The following ANO3 variants were observed in gnomAD, a reference collection of about 807,000 sequenced individuals.
ANO3 encodes anoctamin 3, also known as anoctamin-3.
ANO3 carries 99 observed loss-of-function variants against 144.8 expected under a neutral mutation model. The ratio of observed to expected loss-of-function variants is 0.68; its 90% CI spans 0.58 to 0.81. The LOEUF is 0.81. Ranked by LOEUF, ANO3 falls within the 30% of genes least tolerant of loss-of-function variation. The probability of loss-of-function intolerance (pLI) is 0.00; values close to 1 mark genes in which losing one functional copy is unlikely to be tolerated. For synonymous variants in ANO3, 414 were observed against 392.6 expected (o/e 1.05, Z -0.64); for missense variants, 905 against 1,202.2 (o/e 0.75, Z 3.66).
chr11:26,462,941 G>C, intron 3 of ANO3, 89 bp from the exon 4 acceptor site: 1 of 584,450 alleles, frequency 1.7e-6, no homozygotes, highest in Non-Finnish European at 2.8e-6. Context: ...TAAACTCTGG[G>C]AAAACATGAA....
chr11:26,363,643 G>A (rs758771122), intron 1 of ANO3, among the ~76,000 whole-genome samples: 21 of 152,194 alleles, frequency 1.4e-4, no homozygotes, highest in Non-Finnish European at 2.6e-4. Flanking sequence ...CATAAAGTTC[G>A]GGGAGGACAC....
chr11:26,556,133 A>T (rs1850075598), intron 13 of ANO3, among the ~76,000 whole-genome samples: 1 of 152,122 alleles, frequency 6.6e-6, no homozygotes, highest in Non-Finnish European at 1.5e-5. Flanking sequence ...TTAGTACTTA[A>T]AAGTATTGGA....
intron 1 of ANO3, among the ~76,000 whole-genome samples, chr11:26,381,203 T>C (rs896623018): frequency 6.6e-6 from 1 of 152,154 alleles, no homozygotes; most frequent in Non-Finnish European, 1.5e-5. Flanking sequence ...TTAGGTAAAT[T>C]GCCACCATTT....
At chr11:26,492,942 G>A (rs1860768307) in intron 4 of ANO3, among the ~76,000 whole-genome samples, 1 of 152,138 alleles carries the variant, frequency 6.6e-6, no homozygotes, top group Non-Finnish European at 1.5e-5. Flanking sequence ...ACTAATACTA[G>A]GCTGCACTGT....
chr11:26,453,243 T>C (rs1325618957), intron 3 of ANO3, among the ~76,000 whole-genome samples: 3 of 151,948 alleles, frequency 2.0e-5, no homozygotes, highest in Non-Finnish European at 4.4e-5. Context: ...TAACTTTAAA[T>C]GTAAATGGAC....
At chr11:26,446,801 G>T (rs947243127) in intron 3 of ANO3, among the ~76,000 whole-genome samples, 1 of 152,196 alleles carries the variant, frequency 6.6e-6, no homozygotes, top group African/African-American at 2.4e-5. Flanking sequence ...CATCATGGGG[G>T]TTCAACAAAT....
At chr11:26,256,762 C>A (rs538153591) in intron 1 of ANO3, among the ~76,000 whole-genome samples, 2 of 152,216 alleles carry the variant, frequency 1.3e-5, no homozygotes, top group South Asian at 2.1e-4. Flanking sequence ...TTCTAAACTT[C>A]TACTTTTACA....
rs115799849 is a variant in ANO3 at position 26,301,182 on chromosome 11, G to A, written c.155-8463G>A. The stretch of plus-strand genomic sequence containing the variant: ...ACTTTCTTAATTGCCTCTTCATAAT[G>A]TATTTAATAAACTATGGCAATCCCA... On this transcript the variant is annotated intron_variant, in intron 1 of 27. Coordinates refer to the ANO3 transcript ENST00000672621. Among the ~76,000 whole-genome samples the A allele has an allele frequency of 5.4e-3, 815 of 151,922 alleles. 25 individuals are homozygous for A. Among genetic ancestry groups the A allele is most frequent in the African/African-American group, 0.018 (765 of 41,380 alleles).
intron 14 of ANO3, among the ~76,000 whole-genome samples, chr11:26,594,964 T>C (rs1221790396): frequency 2.0e-5 from 3 of 152,136 alleles, no homozygotes; most frequent in African/African-American, 4.8e-5. Context: ...GTTGTTTCTT[T>C]CTTAGCGTAT....
intron 1 of ANO3, among the ~76,000 whole-genome samples, chr11:26,249,037 G>T (rs1460579751): frequency 5.9e-5 from 9 of 152,162 alleles, no homozygotes; most frequent in Admixed American, 5.9e-4. Flanking sequence ...TGTCAAAAAG[G>T]TTGGAGACTG....
intron 1 of ANO3, among the ~76,000 whole-genome samples, chr11:26,366,095 G>A (rs1156457725): frequency 6.6e-6 from 1 of 151,454 alleles, no homozygotes; most frequent in Non-Finnish European, 1.5e-5. Context: ...GCTGCACCCA[G>A]TAACTCATCA....
chr11:26,315,331 C>T (rs1854597321), intron 1 of ANO3, among the ~76,000 whole-genome samples: 1 of 152,164 alleles, frequency 6.6e-6, no homozygotes, highest in African/African-American at 2.4e-5. Flanking sequence ...CTTCTGCTCT[C>T]CATCTTGTTT....
intron 1 of ANO3, among the ~76,000 whole-genome samples, chr11:26,370,341 A>C (rs1028475085): frequency 5.9e-5 from 9 of 152,130 alleles, no homozygotes; most frequent in African/African-American, 1.9e-4. Context: ...CAATGATTAT[A>C]AGCTTCCTGA....
intron 4 of ANO3, 36 bp downstream of exon 4, chr11:26,463,184 GA>G (rs773025302): frequency 1.7e-6 from 2 of 1,143,252 alleles, no homozygotes; most frequent in Admixed American, 2.2e-5. Context: ...GTCATTTTTA[GA>G]GCATCATTTT....
At chr11:26,432,933 G>T (rs919127370) in intron 1 of ANO3, among the ~76,000 whole-genome samples, 6 of 152,098 alleles carry the variant, frequency 3.9e-5, no homozygotes, top group African/African-American at 1.4e-4. Flanking sequence ...TTCTAATTAT[G>T]TGAAGAATAT....
At chr11:26,644,029 C>T (rs1466708684) in intron 23 of ANO3, among the ~76,000 whole-genome samples, 4 of 152,134 alleles carry the variant, frequency 2.6e-5, no homozygotes, top group South Asian at 2.1e-4. Context: ...AACTTCTGTT[C>T]GCTATAAATT....
At chr11:26,507,759 A>G (rs1861493445) in intron 4 of ANO3, among the ~76,000 whole-genome samples, 1 of 152,224 alleles carries the variant, frequency 6.6e-6, no homozygotes, top group Admixed American at 6.5e-5. Flanking sequence ...GCATTATTTT[A>G]TGATGAAATA....
rs575348360 is a variant in ANO3 at position 26,502,287 on chromosome 11, T to G, written c.433-5817T>G. 5.3e-5 allele frequency among the ~76,000 whole-genome samples: 8 copies of G among 152,332 alleles called. 1 individual carries two copies. In the South Asian group the frequency reaches 1.7e-3, roughly 32 times the overall value. Reference sequence around the variant, plus strand: ...CTGATCTCCTGAAATGAATCAGTGTTGCGACTGTTCTGCTTGCACTGTCTC... The same window carrying G: ...CTGATCTCCTGAAATGAATCAGTGTGGCGACTGTTCTGCTTGCACTGTCTC... On this transcript the variant is annotated intron_variant, in intron 4 of 26. Transcript: ENST00000256737.
At chr11:26,191,134 G>A (rs995535780) in intron 1 of ANO3, among the ~76,000 whole-genome samples, 1 of 152,030 alleles carries the variant, frequency 6.6e-6, no homozygotes, top group African/African-American at 2.4e-5. Context: ...AAATTAGCCA[G>A]GCGTGGTGGC....
Sources: gnomAD v4.1 joint callset for allele counts (sites outside exome capture counted in the v4.1 genomes callset) on GRCh38, gnomAD v4.1.1 for gene constraint, MANE v1.5 for transcripts, NCBI Gene and HGNC (gene_info 2026-07-23, HGNC 2026-07-21) for gene names.